HS3ST4: variants seen among roughly 807,000 people sequenced by gnomAD.
The protein encoded by HS3ST4 is heparan sulfate-glucosamine 3-sulfotransferase 4, also known as heparan sulfate glucosamine 3-O-sulfotransferase 4.
HS3ST4 carries 17 observed loss-of-function variants against 29.2 expected under a neutral mutation model. The observed-to-expected ratio is 0.58, with a 90% CI of 0.40 to 0.87. The LOEUF (loss-of-function observed/expected upper bound fraction) is 0.87, where lower values mean the gene tolerates loss of function less well. HS3ST4 is among the 40% of genes least tolerant of loss of function. The pLI, the probability that HS3ST4 is intolerant of heterozygous loss-of-function variation, is 0.00. For synonymous variants in HS3ST4, 314 were observed against 285.7 expected (o/e 1.10, Z -1.00); for missense variants, 627 against 634.5 (o/e 0.99, Z 0.13).
chr16:26,107,827 A>G (rs768312074), intron 1 of HS3ST4, among the ~76,000 whole-genome samples: 1 of 152,062 alleles, frequency 6.6e-6, no homozygotes, highest in Non-Finnish European at 1.5e-5. Flanking sequence ...TATCTTTGCA[A>G]TTGTGAATTT....
intron 1 of HS3ST4, among the ~76,000 whole-genome samples, chr16:26,060,259 A>G (rs1167651250): frequency 6.6e-6 from 1 of 152,218 alleles, no homozygotes; most frequent in East Asian, 1.9e-4. Context: ...AGGTGCAGTC[A>G]TTTGAGCTTG....
intron 1 of HS3ST4, among the ~76,000 whole-genome samples, chr16:25,984,053 G>A (rs4073228): frequency 0.031 from 4,644 of 152,224 alleles, 218 homozygotes; most frequent in African/African-American, 0.11. Context: ...TCTCCAGCAT[G>A]TGTCATTTCT....
At chr16:26,130,048 C>T (rs143936215) in intron 1 of HS3ST4, among the ~76,000 whole-genome samples, 1 of 152,296 alleles carries the variant, frequency 6.6e-6, no homozygotes, top group Non-Finnish European at 1.5e-5. Context: ...AAAAGAGAAA[C>T]TGGGCTGTTC....
chr16:25,780,645 G>A (rs990381424), intron 1 of HS3ST4, among the ~76,000 whole-genome samples: 6 of 152,158 alleles, frequency 3.9e-5, no homozygotes, highest in African/African-American at 1.4e-4. Flanking sequence ...TGTATAAAGT[G>A]GGAGAAATAA....
chr16:26,012,412 C>T (rs759581212), intron 1 of HS3ST4, among the ~76,000 whole-genome samples: 10 of 152,156 alleles, frequency 6.6e-5, no homozygotes, highest in African/African-American at 1.2e-4. Flanking sequence ...TGAGAAGACC[C>T]GATCAGTAGA....
chr16:25,764,663 A>C (rs1966807002), intron 1 of HS3ST4, among the ~76,000 whole-genome samples: 1 of 152,244 alleles, frequency 6.6e-6, no homozygotes, highest in Non-Finnish European at 1.5e-5. Flanking sequence ...TAGGGATGGC[A>C]CATTGATACC....
intron 1 of HS3ST4, among the ~76,000 whole-genome samples, chr16:25,759,768 A>C (rs1420003964): frequency 1.3e-5 from 2 of 152,136 alleles, no homozygotes; most frequent in African/African-American, 2.4e-5. Flanking sequence ...CTATGAAAAA[A>C]ATTTAAAAAA....
chr16:25,959,912 A>G (rs1968777771), intron 1 of HS3ST4, among the ~76,000 whole-genome samples: 1 of 152,108 alleles, frequency 6.6e-6, no homozygotes, highest in Non-Finnish European at 1.5e-5. Flanking sequence ...AGGTGTGTGG[A>G]TCACCTGAGG....
chr16:25,944,753 T>C (rs1309949371), intron 1 of HS3ST4, among the ~76,000 whole-genome samples: 3 of 152,170 alleles, frequency 2.0e-5, no homozygotes, highest in Non-Finnish European at 4.4e-5. Context: ...TCTTTCATTA[T>C]AAGTTCCTTG....
At chr16:26,109,173 T>C (rs1899094878) in intron 1 of HS3ST4, among the ~76,000 whole-genome samples, 1 of 152,192 alleles carries the variant, frequency 6.6e-6, no homozygotes, top group South Asian at 2.1e-4. Flanking sequence ...AATTACCAAC[T>C]GTAAAATATT....
chr16:25,698,973 G>T (rs772745075), intron 1 of HS3ST4, among the ~76,000 whole-genome samples: 2 of 152,152 alleles, frequency 1.3e-5, no homozygotes, highest in Non-Finnish European at 2.9e-5. Context: ...TGTGGCATTG[G>T]GGTTATGAGA....
intron 1 of HS3ST4, among the ~76,000 whole-genome samples, chr16:25,906,237 CTTTTAA>C (rs1968178427): frequency 6.6e-6 from 1 of 152,108 alleles, no homozygotes; most frequent in African/African-American, 2.4e-5. Context: ...CACTTTTTCA[CTTTTAA>C]TCTGGCTTTG....
intron 1 of HS3ST4, among the ~76,000 whole-genome samples, chr16:25,874,344 G>C (rs897540999): frequency 3.3e-5 from 5 of 152,126 alleles, no homozygotes; most frequent in African/African-American, 1.2e-4. Flanking sequence ...TGAAGAAACA[G>C]GTCCAGAGGG....
intron 1 of HS3ST4, among the ~76,000 whole-genome samples, chr16:25,935,526 G>A (rs55774129): frequency 0.48 from 73,526 of 151,940 alleles, 18,806 homozygotes; most frequent in African/African-American, 0.6. Context: ...CTTTACTCAT[G>A]GTTTTTCCTT....
At chr16:25,783,471 G>GTTTT (rs34694041) in intron 1 of HS3ST4, among the ~76,000 whole-genome samples, 1 of 146,402 alleles carries the variant, frequency 6.8e-6, no homozygotes. Flanking sequence ...GCCAATTCTA[G>GTTTT]TTTTTTTTTT....
At chr16:25,707,142 G>A (rs988660162) in intron 1 of HS3ST4, among the ~76,000 whole-genome samples, 2 of 152,152 alleles carry the variant, frequency 1.3e-5, no homozygotes, top group Non-Finnish European at 2.9e-5. Context: ...TTATGTGTGA[G>A]TAACCTTTAC....
intron 1 of HS3ST4, among the ~76,000 whole-genome samples, chr16:26,054,108 AG>A (rs1898377477): frequency 3.3e-5 from 5 of 152,172 alleles, no homozygotes; most frequent in Admixed American, 3.3e-4. Context: ...CCTGAGATTT[AG>A]CAGGTGGAGA....
chr16:25,733,434 G>A (rs910899292), intron 1 of HS3ST4, among the ~76,000 whole-genome samples: 11 of 152,280 alleles, frequency 7.2e-5, no homozygotes, highest in African/African-American at 2.6e-4. Flanking sequence ...ATTCACCTGA[G>A]CATCTAGCCC....
At chr16:26,135,510 TG>T in intron 1 of HS3ST4, 101 bp from the exon 2 acceptor site, 1 of 1,127,596 alleles carries the variant, frequency 8.9e-7, no homozygotes, top group East Asian at 2.6e-5. Context: ...TTTTATTTGG[TG>T]GTTCCAAACT....
Sources: gnomAD v4.1 joint callset for allele counts (sites outside exome capture counted in the v4.1 genomes callset) on GRCh38, gnomAD v4.1.1 for gene constraint, MANE v1.5 for transcripts, NCBI Gene and HGNC (gene_info 2026-07-23, HGNC 2026-07-21) for gene names.